Variants in HADHA observed in about 807,000 individuals in gnomAD.
HADHA encodes trifunctional enzyme subunit alpha, mitochondrial.
In HADHA, 59 loss-of-function variants were observed where a neutral mutation model predicts 91.3. That is an observed-to-expected ratio of 0.65 (90% CI 0.52 to 0.80). The LOEUF (loss-of-function observed/expected upper bound fraction) is 0.80, where lower values mean the gene tolerates loss of function less well. Ranked by LOEUF, HADHA falls within the 30% of genes least tolerant of loss-of-function variation. The pLI, the probability that HADHA is intolerant of heterozygous loss-of-function variation, is 0.00. For missense variants in HADHA, 800 were observed against 927.6 expected (o/e 0.86, Z 1.79); for synonymous variants, 320 against 338.9 (o/e 0.94, Z 0.61).
intron 7 of HADHA, among the ~76,000 whole-genome samples, chr2:26,219,422 G>A (rs1356453101): frequency 3.3e-5 from 5 of 152,120 alleles, no homozygotes; most frequent in Admixed American, 1.3e-4. Flanking sequence ...CACTGTGCCC[G>A]GCCAATAAAA....
chr2:26,204,001 A>G, intron 12 of HADHA, 61 bp downstream of exon 12: 1 of 1,571,286 alleles, frequency 6.4e-7, no homozygotes, highest in Non-Finnish European at 8.8e-7. Context: ...CCACCACAAA[A>G]AACAACTAAC....
intron 5 of HADHA, among the ~76,000 whole-genome samples, chr2:26,233,844 G>A (rs1237917194): frequency 2.6e-5 from 4 of 152,204 alleles, no homozygotes; most frequent in Non-Finnish European, 5.9e-5. Context: ...ACTTTGGGAG[G>A]CCGAGGCGGG....
intron 7 of HADHA, among the ~76,000 whole-genome samples, chr2:26,227,126 A>C (rs1670502419): frequency 6.6e-6 from 1 of 152,230 alleles, no homozygotes; most frequent in South Asian, 2.1e-4. Flanking sequence ...GAAAATGGGC[A>C]AAAAATTTGA....
chr2:26,215,268 G>T, intron 7 of HADHA, 93 bp from the exon 8 acceptor site: 1 of 1,131,596 alleles, frequency 8.8e-7, no homozygotes, highest in Non-Finnish European at 1.3e-6. Context: ...AAAGGCCCTA[G>T]CACAGCGTTC....
chr2:26,199,833 G>A (rs1393973028), intron 13 of HADHA, among the ~76,000 whole-genome samples: 1 of 152,224 alleles, frequency 6.6e-6, no homozygotes, highest in Non-Finnish European at 1.5e-5. Flanking sequence ...AGACGACTAA[G>A]TGAGGATGGA....
intron 6 of HADHA, among the ~76,000 whole-genome samples, chr2:26,231,737 C>T (rs1330213927): frequency 6.6e-6 from 1 of 151,946 alleles, no homozygotes; most frequent in Non-Finnish European, 1.5e-5. Context: ...GAGGCTGAGG[C>T]GGGAGGATTA....
At chr2:26,200,149 GTTTA>G (rs199553081) in intron 13 of HADHA, among the ~76,000 whole-genome samples, 22 of 150,318 alleles carry the variant, frequency 1.5e-4, no homozygotes, top group Admixed American at 2.6e-4. Flanking sequence ...TTGTTTGTTT[GTTTA>G]TTTATTTATT....
At chr2:26,225,171 C>G (rs538762823) in intron 7 of HADHA, among the ~76,000 whole-genome samples, 1 of 152,014 alleles carries the variant, frequency 6.6e-6, no homozygotes, top group African/African-American at 2.4e-5. Context: ...AATACCAACT[C>G]TACATAAAAT....
At chr2:26,236,359 GTA>G (rs34905439) in intron 4 of HADHA, among the ~76,000 whole-genome samples, 1,985 of 137,868 alleles carry the variant, frequency 0.014, 38 homozygotes, top group African/African-American at 0.048. Flanking sequence ...GTGTGTGTGT[GTA>G]TATATATATA....
chr2:26,202,639 G>T (rs1356511219), intron 12 of HADHA, among the ~76,000 whole-genome samples: 1 of 152,224 alleles, frequency 6.6e-6, no homozygotes, highest in Non-Finnish European at 1.5e-5. Flanking sequence ...TATTCGTGAG[G>T]CTGAGGCATG....
intron 3 of HADHA, among the ~76,000 whole-genome samples, chr2:26,238,358 T>C (rs563168208): frequency 4.7e-4 from 71 of 152,306 alleles, no homozygotes; most frequent in African/African-American, 1.6e-3. Context: ...GGGAAAAGCA[T>C]GGACTCTCAC....
intron 17 of HADHA, among the ~76,000 whole-genome samples, 168 bp from the exon 18 acceptor site, chr2:26,192,592 C>T (rs1280831192): frequency 6.6e-6 from 1 of 152,060 alleles, no homozygotes; most frequent in African/African-American, 2.4e-5. Flanking sequence ...TTGAGACCAG[C>T]CTGGCCAACA....
chr2:26,206,521 A>T (rs71441017), intron 11 of HADHA, among the ~76,000 whole-genome samples: 1 of 152,136 alleles, frequency 6.6e-6, no homozygotes, highest in East Asian at 1.9e-4. Flanking sequence ...AAGCCACCAC[A>T]CCTGGCCAAA....
chr2:26,200,706 T>C (rs1408775893), intron 13 of HADHA, among the ~76,000 whole-genome samples: 1 of 151,058 alleles, frequency 6.6e-6, no homozygotes, highest in African/African-American at 2.4e-5. Flanking sequence ...TGAGCACACA[T>C]AAAAACTTAA....
rs1316096603 is a variant in HADHA at position 26,227,631 on chromosome 2, CAA to C, written c.676+2559_676+2560del. Among the ~76,000 whole-genome samples the C allele has an allele frequency of 3.9e-5, 6 of 152,196 alleles. No individual in the cohort carries two copies. In the East Asian group the frequency reaches 1.2e-3, roughly 29 times the overall value. The stretch of plus-strand genomic sequence containing the variant: ...CTCTCATACACTGCTGGTGGGAATG[CAA>C]AAGAGTATAACCACTTTGGGAAAAC... On this transcript the variant is annotated intron_variant, in intron 7 of 19. Coordinates refer to ENST00000380649, the MANE Select transcript of HADHA (RefSeq NM_000182.5).
intron 6 of HADHA, among the ~76,000 whole-genome samples, chr2:26,231,301 C>G (rs1021086175): frequency 7.9e-5 from 12 of 152,152 alleles, no homozygotes; most frequent in Non-Finnish European, 1.0e-4. Context: ...TTCTGTTGAG[C>G]CTTGTTTTCA....
At chr2:26,191,746 G>A in intron 18 of HADHA, 118 bp from the exon 19 acceptor site, 1 of 1,017,328 alleles carries the variant, frequency 9.8e-7, no homozygotes, top group Admixed American at 1.8e-5. Context: ...GCCGGTTGGT[G>A]CTGGCCCTCA....
intron 18 of HADHA, among the ~76,000 whole-genome samples, 192 bp from the exon 19 acceptor site, chr2:26,191,820 A>G (rs1669515219): frequency 6.6e-6 from 1 of 152,232 alleles, no homozygotes; most frequent in Non-Finnish European, 1.5e-5. Flanking sequence ...ACTTGCCCTA[A>G]TTAACATGAA....
chr2:26,236,420 G>GTGTGTGTGTGTA (rs553522257), intron 4 of HADHA, among the ~76,000 whole-genome samples: 24 of 116,526 alleles, frequency 2.1e-4, no homozygotes, highest in Middle Eastern at 5.1e-3. Context: ...GTGTGTGTGT[G>GTGTGTGTGTGTA]TATATACTTT....
Sources: gnomAD v4.1 joint callset for allele counts (sites outside exome capture counted in the v4.1 genomes callset) on GRCh38, gnomAD v4.1.1 for gene constraint, MANE v1.5 for transcripts, NCBI Gene and HGNC (gene_info 2026-07-23, HGNC 2026-07-21) for gene names.